ZNF225: variants seen among roughly 807,000 people sequenced by gnomAD.
ZNF225 encodes the protein zinc finger protein 225.
Under a neutral mutation model 12.0 loss-of-function variants are expected in ZNF225, and 6 were observed. The observed-to-expected ratio is 0.50, with a 90% CI of 0.27 to 0.98. The LOEUF is 0.98. ZNF225 is among the 50% of genes least tolerant of loss of function. The pLI is 0.11. For synonymous variants in ZNF225, 271 were observed against 283.2 expected, an observed-to-expected ratio of 0.96 and a Z score of 0.43; for missense variants, 763 against 848.2, an observed-to-expected ratio of 0.90 and a Z score of 1.25.
chr19:44,119,569 CTCT>C (rs1172944177), intron 4 of ZNF225, among the ~76,000 whole-genome samples: 1 of 152,210 alleles, frequency 6.6e-6, no homozygotes, highest in Admixed American at 6.5e-5. Flanking sequence ...CACTCTGCCA[CTCT>C]TCTTATGCCT....
At position 44,118,368 on chromosome 19, in the gene ZNF225, TC is replaced by T. The variant is rs1332638254; in HGVS notation, c.142+56del. ...CATCAGGACCAGGAGTGGCTTTGTATCCTAGAGTGTTCAAGTTTGAGTATGC... is the reference window on the plus strand; with the variant it reads ...CATCAGGACCAGGAGTGGCTTTGTATCTAGAGTGTTCAAGTTTGAGTATGC... On this transcript the variant is annotated intron_variant, in intron 3 of 4. Coordinates refer to ENST00000262894, the MANE Select transcript of ZNF225 (RefSeq NM_013362.4). 13 of 1,610,620 alleles carry T rather than the reference TC, an allele frequency of 8.1e-6. No homozygotes were observed. In the African/African-American group the frequency reaches 1.7e-4, roughly 22 times the overall value.
At chr19:44,126,586 T>A (rs1001165484) in intron 4 of ZNF225, among the ~76,000 whole-genome samples, 1 of 152,052 alleles carries the variant, frequency 6.6e-6, no homozygotes, top group African/African-American at 2.4e-5. Flanking sequence ...CAGAGGTGGA[T>A]GAGGCCCTAG....
chr19:44,118,422 T>G, intron 3 of ZNF225, 60 bp from the exon 4 acceptor site: 1 of 1,611,316 alleles, frequency 6.2e-7, no homozygotes, highest in Non-Finnish European at 8.5e-7. Context: ...CCAGTAAATT[T>G]TACTTAGATT....
chr19:44,132,150 C>G lies in ZNF225; in HGVS notation c.1536C>G (p.Phe512Leu). The G allele has an allele frequency of 6.2e-7, 1 of 1,613,980 alleles. No homozygotes were observed. ...GAGTCCACAGTGGAGAAAAACCATT[C>G]AAATGTGAAGAGTGTGGGAAAAGAT... Reference protein sequence around the residue: ...HRRVHSGEKPFKCEECGKRFT... With the variant: ...HRRVHSGEKPLKCEECGKRFT... Residue 512 changes from phenylalanine (F) to leucine (L), a missense_variant, in exon 5 of 5, where the codon TTC (phenylalanine) becomes TTG (leucine). Phe to Leu is a conservative substitution (Grantham distance 22). Coordinates refer to ENST00000262894, the MANE Select transcript of ZNF225 (RefSeq NM_013362.4).
chr19:44,115,096 A>G, intron 1 of ZNF225, among the ~76,000 whole-genome samples: 1 of 152,200 alleles, frequency 6.6e-6, no homozygotes, highest in Non-Finnish European at 1.5e-5. Context: ...TTGCTTATTC[A>G]TTCATTCAAC....
intron 2 of ZNF225, among the ~76,000 whole-genome samples, chr19:44,117,950 C>T (rs560707233): frequency 3.2e-4 from 49 of 152,166 alleles, no homozygotes; most frequent in Admixed American, 1.0e-3. Flanking sequence ...ACCTGGGAAT[C>T]GGAGGTTGCA....
In ZNF225 at chr19:44,115,761, C is replaced by T; in HGVS notation, c.-67C>T. 2 of 1,519,388 alleles carry T rather than the reference C, an allele frequency of 1.3e-6. No homozygotes were observed. The highest frequency in any genetic ancestry group is 1.7e-4 in the Middle Eastern group (1 of 5,770). 94.1% of individuals were successfully genotyped at this position (1,519,388 alleles called of 1,614,324 possible). On this transcript the variant is annotated splice_region_variant and 5_prime_UTR_variant, in exon 2 of 5. Coordinates refer to ENST00000262894, the MANE Select transcript of ZNF225 (RefSeq NM_013362.4). ...TCTGCCTTCCCTGGTACTTTCCAGG[C>T]AGGATTCTGCTTTCCCTTGGACTGT...
intron 2 of ZNF225, among the ~76,000 whole-genome samples, 153 bp from the exon 3 acceptor site, chr19:44,118,035 A>C (rs781315735): frequency 2.0e-5 from 3 of 152,034 alleles, no homozygotes; most frequent in Admixed American, 1.3e-4. Context: ...TAAATAAATA[A>C]AATAAAATAA....
chr19:44,132,852 T>C lies in ZNF225; in HGVS notation c.*117T>C. 1.0e-6 allele frequency: 1 copy of C among 957,960 alleles called. No individual in the cohort carries two copies. Among genetic ancestry groups the C allele is most frequent in the Non-Finnish European group, 1.5e-6 (1 of 666,870 alleles). 59.3% of individuals were successfully genotyped at this position (957,960 alleles called of 1,614,324 possible). ...CTCAAACATTTATCATTTATTTATG[T>C]TGGGAACCCTTAAAATTCACTGTCC... On this transcript the variant is annotated 3_prime_UTR_variant, in exon 5 of 5. Transcript: ENST00000262894.
intron 1 of ZNF225, chr19:44,113,919 T>C (rs1404878389): frequency 4.2e-6 from 1 of 237,260 alleles, no homozygotes; most frequent in East Asian, 9.1e-5. Context: ...TGGTGGTCTC[T>C]TGTTAATTTC....
At chr19:44,123,946 T>G (rs1267853767) in intron 4 of ZNF225, among the ~76,000 whole-genome samples, 1 of 151,984 alleles carries the variant, frequency 6.6e-6, no homozygotes, top group Non-Finnish European at 1.5e-5. Flanking sequence ...GAACCAGCTT[T>G]TTGTTTCATT....
intron 4 of ZNF225, among the ~76,000 whole-genome samples, chr19:44,125,687 T>A (rs1454373030): frequency 6.6e-6 from 1 of 152,226 alleles, no homozygotes; most frequent in Admixed American, 6.5e-5. Context: ...TTAGGTTTGG[T>A]CCTTTAACAT....
intron 4 of ZNF225, among the ~76,000 whole-genome samples, chr19:44,128,040 A>G (rs1968182858): frequency 6.6e-6 from 1 of 152,220 alleles, no homozygotes; most frequent in Non-Finnish European, 1.5e-5. Context: ...GTCTCAGAAA[A>G]TAACCAGCTT....
At chr19:44,124,192 A>G (rs1468908728) in intron 4 of ZNF225, among the ~76,000 whole-genome samples, 1 of 152,262 alleles carries the variant, frequency 6.6e-6, no homozygotes, top group African/African-American at 2.4e-5. Flanking sequence ...GCTGTATCCC[A>G]GAGGTTTTCA....
In ZNF225 at chr19:44,131,416, G is replaced by C. The variant is rs765619465; in HGVS notation, c.802G>C (p.Ala268Pro). Reference protein sequence around the residue: ...KPHICEKCGKAFIHDSQLQEH... With the variant: ...KPHICEKCGKPFIHDSQLQEH... ...TCATATTTGTGAGAAATGTGGGAAG[G>C]CCTTCATTCATGATTCCCAGCTTCA... Residue 268 changes from alanine to proline, a missense_variant, in exon 5 of 5, where the codon GCC (alanine) becomes CCC (proline). Transcript: ENST00000262894. The C allele has an allele frequency of 3.0e-5, 48 of 1,614,036 alleles. No homozygotes were observed. Among genetic ancestry groups the C allele is most frequent in the Non-Finnish European group, 3.7e-5 (44 of 1,180,044 alleles).
In ZNF225 at chr19:44,115,843, G is replaced by A. The variant is rs1192104136; in HGVS notation, c.15+1G>A. ...AGGAGGAAAAATGACCACGTTGAAG[G>A]TGAGTAGAGCTTGCCTCTCTTGCTG... On this transcript the variant is annotated splice_donor_variant, in intron 2 of 4. Transcript: ENST00000262894. LOFTEE classifies it high-confidence loss of function. 2 of 1,612,864 alleles carry A rather than the reference G, an allele frequency of 1.2e-6. No individual in the cohort carries two copies. The highest frequency in any genetic ancestry group is 2.7e-5 in the African/African-American group (2 of 74,992).
chr19:44,124,522 T>A (rs1968110723), intron 4 of ZNF225, among the ~76,000 whole-genome samples: 1 of 152,258 alleles, frequency 6.6e-6, no homozygotes, highest in Non-Finnish European at 1.5e-5. Flanking sequence ...TATATATCTG[T>A]TAAGTCCATT....
intron 2 of ZNF225, among the ~76,000 whole-genome samples, chr19:44,117,490 AT>A (rs1338771407): frequency 6.6e-6 from 1 of 152,250 alleles, no homozygotes; most frequent in African/African-American, 2.4e-5. Context: ...AACAATGGGA[AT>A]TATCAGGCAA....
chr19:44,120,574 C>A (rs1162302279), intron 4 of ZNF225, among the ~76,000 whole-genome samples: 2 of 152,168 alleles, frequency 1.3e-5, no homozygotes, highest in Middle Eastern at 3.2e-3. Flanking sequence ...TTAGAACTTT[C>A]TTAGGATTCC....
Sources: gnomAD v4.1 joint callset for allele counts (sites outside exome capture counted in the v4.1 genomes callset) on GRCh38, gnomAD v4.1.1 for gene constraint, MANE v1.5 for transcripts, NCBI Gene and HGNC (gene_info 2026-07-23, HGNC 2026-07-21) for gene names.